Variants in KAZN observed in about 807,000 individuals in gnomAD.
KAZN encodes the protein kazrin.
KAZN carries 40 observed loss-of-function variants against 87.4 expected under a neutral mutation model. The observed-to-expected ratio is 0.46, with a 90% confidence interval of 0.36 to 0.60. The LOEUF (loss-of-function observed/expected upper bound fraction) is 0.60, where lower values mean the gene tolerates loss of function less well. Ranked by LOEUF, KAZN falls within the 20% of genes least tolerant of loss-of-function variation. KAZN has a pLI of 0.00. For synonymous variants in KAZN, 466 were observed against 458.3 expected, an observed-to-expected ratio of 1.02 and a Z score of -0.22; for missense variants, 898 against 1,073.9, an observed-to-expected ratio of 0.84 and a Z score of 2.29.
At chr1:14,746,871 C>T (rs1300297065) in intron 1 of KAZN, among the ~76,000 whole-genome samples, 1 of 152,072 alleles carries the variant, frequency 6.6e-6, no homozygotes, top group African/African-American at 2.4e-5. Flanking sequence ...TACAATTTAC[C>T]CTTTTAATCA....
In KAZN at chr1:14,573,637, ACT is replaced by A. The variant is rs572842044; in HGVS notation, c.250-25343_250-25342del. 1.4e-3 allele frequency among the ~76,000 whole-genome samples: 220 copies of A among 152,158 alleles called. 2 individuals carry two copies. Among genetic ancestry groups the A allele is most frequent in the African/African-American group, 5.0e-3 (209 of 41,500 alleles). On this transcript the variant is annotated intron_variant, in intron 2 of 16. Coordinates refer to the KAZN transcript ENST00000636203. Reference sequence around the variant, plus strand: ...ACTCCAGCCTGCATGATACAGCAAGACTCTGTCTCAAAAAATTTTTTAAAAAA... The same window carrying A: ...ACTCCAGCCTGCATGATACAGCAAGACTGTCTCAAAAAATTTTTTAAAAAA...
At chr1:14,786,478 A>G (rs1315864751) in intron 1 of KAZN, among the ~76,000 whole-genome samples, 6 of 152,170 alleles carry the variant, frequency 3.9e-5, no homozygotes, top group Non-Finnish European at 7.3e-5. Context: ...CATAGAGCTG[A>G]AACCTCACAC....
At chr1:14,330,803 C>T (rs937537502) in intron 2 of KAZN, among the ~76,000 whole-genome samples, 1 of 152,122 alleles carries the variant, frequency 6.6e-6, no homozygotes, top group Non-Finnish European at 1.5e-5. Context: ...CATAGGAACA[C>T]TATGGAACCA....
At chr1:14,216,655 C>G (rs1207158158) in intron 2 of KAZN, among the ~76,000 whole-genome samples, 1 of 152,130 alleles carries the variant, frequency 6.6e-6, no homozygotes, top group Non-Finnish European at 1.5e-5. Flanking sequence ...CCTGTAATCC[C>G]AGCACTTTGG....
intron 2 of KAZN, among the ~76,000 whole-genome samples, chr1:14,978,229 C>T (rs1665863691): frequency 6.6e-6 from 1 of 152,162 alleles, no homozygotes; most frequent in African/African-American, 2.4e-5. Context: ...TCTTCAAGAT[C>T]TTCATGGCTC....
chr1:15,003,010 A>T (rs1018850475), intron 2 of KAZN, among the ~76,000 whole-genome samples: 1 of 145,846 alleles, frequency 6.9e-6, no homozygotes, highest in Non-Finnish European at 1.5e-5. Flanking sequence ...AAACGTACAC[A>T]CACACACACA....
At chr1:14,418,556 A>T (rs945902756) in intron 2 of KAZN, among the ~76,000 whole-genome samples, 8 of 152,230 alleles carry the variant, frequency 5.3e-5, no homozygotes, top group Non-Finnish European at 8.8e-5. Context: ...GGAACCAGTC[A>T]GAATTTATCA....
At chr1:14,832,968 CTA>C (rs1441687678) in intron 1 of KAZN, among the ~76,000 whole-genome samples, 17 of 152,200 alleles carry the variant, frequency 1.1e-4, no homozygotes, top group Middle Eastern at 6.8e-3. Flanking sequence ...TCAAGGTGGA[CTA>C]TATGGCTTGC....
At chr1:14,023,992 T>C (rs1427767850) in intron 1 of KAZN, among the ~76,000 whole-genome samples, 1 of 152,142 alleles carries the variant, frequency 6.6e-6, no homozygotes, top group African/African-American at 2.4e-5. Flanking sequence ...CCCGAACTTC[T>C]TACACAGTAA....
intron 2 of KAZN, among the ~76,000 whole-genome samples, chr1:14,479,289 T>C (rs1018797546): frequency 6.6e-6 from 1 of 152,184 alleles, no homozygotes; most frequent in Non-Finnish European, 1.5e-5. Context: ...GGCTAAGGGA[T>C]GTGACACAGA....
chr1:14,379,989 A>T (rs1360044915), intron 2 of KAZN, among the ~76,000 whole-genome samples: 1 of 152,162 alleles, frequency 6.6e-6, no homozygotes, highest in Non-Finnish European at 1.5e-5. Flanking sequence ...AGAGGTGTTT[A>T]TATCACCCCA....
At chr1:14,535,490 A>G (rs1672447307) in intron 2 of KAZN, among the ~76,000 whole-genome samples, 1 of 152,090 alleles carries the variant, frequency 6.6e-6, no homozygotes, top group Non-Finnish European at 1.5e-5. Context: ...ACATGGTGAA[A>G]CCCCGTCTTT....
chr1:14,710,860 GC>G (rs1267449814), intron 1 of KAZN, among the ~76,000 whole-genome samples: 1 of 152,196 alleles, frequency 6.6e-6, no homozygotes, highest in Non-Finnish European at 1.5e-5. Context: ...TGGGAACAGT[GC>G]CTGGCATATA....
chr1:13,977,988 C>G (rs1638448263), intron 1 of KAZN, among the ~76,000 whole-genome samples: 1 of 152,018 alleles, frequency 6.6e-6, no homozygotes, highest in Admixed American at 6.6e-5. Flanking sequence ...ATTAGCCAGG[C>G]CTGGCGGTGT....
chr1:14,145,522 A>T (rs1645328977), intron 1 of KAZN, among the ~76,000 whole-genome samples: 1 of 152,146 alleles, frequency 6.6e-6, no homozygotes, highest in South Asian at 2.1e-4. Context: ...CCCATAAAAA[A>T]TATTTGTCTA....
At chr1:14,727,377 T>A (rs1643433093) in intron 1 of KAZN, among the ~76,000 whole-genome samples, 1 of 149,866 alleles carries the variant, frequency 6.7e-6, no homozygotes, top group African/African-American at 2.5e-5. Flanking sequence ...TGAAGACAAT[T>A]TTTCCATGGA....
chr1:14,300,467 C>T (rs984920050), intron 2 of KAZN, among the ~76,000 whole-genome samples: 2 of 152,118 alleles, frequency 1.3e-5, no homozygotes, highest in African/African-American at 4.8e-5. Context: ...AACTCTTGGG[C>T]TCAAGGGATC....
chr1:14,525,099 C>A (rs1671793392), intron 2 of KAZN, among the ~76,000 whole-genome samples: 1 of 152,198 alleles, frequency 6.6e-6, no homozygotes, highest in African/African-American at 2.4e-5. Flanking sequence ...GACACATGGA[C>A]ATATGTATCA....
intron 1 of KAZN, among the ~76,000 whole-genome samples, chr1:14,700,720 C>T (rs1641875705): frequency 6.6e-6 from 1 of 152,182 alleles, no homozygotes; most frequent in Non-Finnish European, 1.5e-5. Context: ...TTGCCAGAGG[C>T]GTCCAGGACA....
Sources: gnomAD v4.1 joint callset for allele counts (sites outside exome capture counted in the v4.1 genomes callset) on GRCh38, gnomAD v4.1.1 for gene constraint, MANE v1.5 for transcripts, NCBI Gene and HGNC (gene_info 2026-07-23, HGNC 2026-07-21) for gene names.